Variants in COIL observed in about 807,000 individuals in gnomAD.
COIL encodes coilin p80.
COIL carries 28 observed loss-of-function variants against 51.6 expected under a neutral mutation model. That is an observed-to-expected ratio of 0.54 (90% CI 0.40 to 0.74). The LOEUF (loss-of-function observed/expected upper bound fraction) is 0.74. Ranked by LOEUF, COIL falls within the 30% of genes least tolerant of loss-of-function variation. The pLI is 0.00. For missense variants in COIL, 667 were observed against 685.9 expected (o/e 0.97, Z 0.31); for synonymous variants, 233 against 255.8 (o/e 0.91, Z 0.85).
At position 56,961,041 on chromosome 17, in the gene COIL, G is replaced by A. The variant is rs377352607; in HGVS notation, c.-22C>T. The A allele has an allele frequency of 6.2e-7, 1 of 1,608,660 alleles. No individual in the cohort carries two copies. Among genetic ancestry groups the A allele is most frequent in the African/African-American group, 1.3e-5 (1 of 74,450 alleles). ...CCATCTTGCTTGGTGCTCAACGGAA[G>A]CCGAGAGATACCACGGGGCCACCGA... On this transcript the variant is annotated 5_prime_UTR_variant, in exon 1 of 7. Transcript: ENST00000240316.
intron 1 of COIL, among the ~76,000 whole-genome samples, chr17:56,952,823 G>C (rs1455181436): frequency 6.6e-6 from 1 of 151,848 alleles, no homozygotes; most frequent in African/African-American, 2.4e-5. Flanking sequence ...GTGTCTTACT[G>C]GTTATGTTTC....
At chr17:56,956,618 G>A (rs151235096) in intron 1 of COIL, among the ~76,000 whole-genome samples, 154 of 151,936 alleles carry the variant, frequency 1.0e-3, no homozygotes, top group African/African-American at 3.5e-3. Context: ...TTGAGGTAGG[G>A]TCTCACTCTG....
rs750088606 is a variant in COIL, at chr17:56,942,013, G to T, written c.1647+22C>A. On this transcript the variant is annotated intron_variant, in intron 6 of 6. Transcript: ENST00000240316. ...AAGAGAGAACGAATGGCCAAGCAAC[G>T]CAAGAAGAGAAGCACACCTACCTTG... is the stretch of plus-strand genomic sequence containing the variant. 4 of 1,592,450 alleles carry T rather than the reference G, an allele frequency of 2.5e-6. No individual in the cohort carries two copies. The South Asian group carries it at 3.3e-5, about 13-fold the overall frequency.
At position 56,960,913 on chromosome 17, in the gene COIL, C is replaced by T. The variant is rs1429520576; in HGVS notation, c.107G>A (p.Arg36Gln). The part of the protein sequence containing the change: ...FWLLVDLNRC[R>Q]VVTDLISLIR... Reference sequence around the variant, plus strand: ...GAGACTAATGAGATCTGTGACGACTCGGCATCTGTTCAAGTCGACCAGAAG... The same window carrying T: ...GAGACTAATGAGATCTGTGACGACTTGGCATCTGTTCAAGTCGACCAGAAG... The change falls in exon 1 of 7, where the codon CGA (arginine) becomes CAA (glutamine). Residue 36 changes from arginine to glutamine, a missense_variant. Physicochemically the swap from Arg to Gln is conservative, Grantham distance 43. Transcript: ENST00000240316. 2 of 1,614,208 alleles carry T rather than the reference C, an allele frequency of 1.2e-6. No homozygotes were observed. Among genetic ancestry groups the T allele is most frequent in the Middle Eastern group, 1.6e-4 (1 of 6,062 alleles).
At chr17:56,943,514 C>G (rs943684354) in intron 5 of COIL, among the ~76,000 whole-genome samples, 12 of 152,144 alleles carry the variant, frequency 7.9e-5, no homozygotes, top group Non-Finnish European at 1.5e-4. Context: ...TTCGATTATA[C>G]GTGTTGTAAA....
At chr17:56,960,228 A>C (rs1358277627) in intron 1 of COIL, among the ~76,000 whole-genome samples, 2 of 149,458 alleles carry the variant, frequency 1.3e-5, no homozygotes, top group Non-Finnish European at 3.0e-5. Flanking sequence ...AGTCTCAAAA[A>C]TAAAAATAAT....
intron 6 of COIL, 102 bp from the exon 7 acceptor site, chr17:56,939,256 A>C: frequency 1.4e-6 from 1 of 694,698 alleles, no homozygotes. Flanking sequence ...TGATTGAAGA[A>C]CGGGAATAAT....
intron 5 of COIL, among the ~76,000 whole-genome samples, chr17:56,942,598 C>T (rs966977587): frequency 1.3e-5 from 2 of 152,108 alleles, no homozygotes; most frequent in African/African-American, 4.8e-5. Context: ...TCACTACAAC[C>T]TCTACCTCCT....
intron 1 of COIL, among the ~76,000 whole-genome samples, chr17:56,957,203 C>T (rs747555361): frequency 2.6e-5 from 4 of 151,760 alleles, no homozygotes; most frequent in Non-Finnish European, 4.4e-5. Context: ...GCCAAGGTTG[C>T]GCCACTGCAC....
At chr17:56,959,046 A>C (rs1296449585) in intron 1 of COIL, among the ~76,000 whole-genome samples, 1 of 150,490 alleles carries the variant, frequency 6.6e-6, no homozygotes, top group Non-Finnish European at 1.5e-5. Context: ...TGAAGCTTAA[A>C]GGGGGTGGGG....
At chr17:56,942,729 T>G (rs1910171486) in intron 5 of COIL, among the ~76,000 whole-genome samples, 1 of 152,136 alleles carries the variant, frequency 6.6e-6, no homozygotes, top group South Asian at 2.1e-4. Flanking sequence ...TTGGCCAGGT[T>G]GGTCTCAAAC....
rs1156959893 is a variant in COIL, at chr17:56,950,743, T to C, written c.499A>G (p.Lys167Glu). ...TVSKKNKRKN[K>E]ATCGTVGDDN... ...TCACCCACTGTGCCACAGGTTGCTT[T>C]ATTTTTTCTCTTGTTTTTTTTGCTG... Residue 167 changes from lysine to glutamate, a missense_variant, in exon 2 of 7, where the codon AAA (lysine) becomes GAA (glutamate). Physicochemically the swap from Lys to Glu is moderately conservative, Grantham distance 56. Transcript: ENST00000240316. 6.2e-7 allele frequency: 1 copy of C among 1,614,098 alleles called. No individual in the cohort carries two copies. The highest frequency in any genetic ancestry group is 1.7e-5 in the Admixed American group (1 of 60,010).
At chr17:56,949,637 G>A (rs773582998) in intron 3 of COIL, 44 bp downstream of exon 3, 1 of 1,537,092 alleles carries the variant, frequency 6.5e-7, no homozygotes, top group South Asian at 1.1e-5. Flanking sequence ...TTATTTGGAA[G>A]GGGAATGAAC....
intron 1 of COIL, among the ~76,000 whole-genome samples, chr17:56,960,148 C>A (rs1452010184): frequency 2.0e-5 from 3 of 151,694 alleles, no homozygotes; most frequent in South Asian, 2.1e-4. Context: ...CGATTGAACC[C>A]GGGAGGTGGA....
rs1399458882 is a variant in COIL, at chr17:56,938,875, A to C, written c.*196T>G. ...TTTGTTAACTGAAATTAAACCTGACAAAAAAACCAAAGATCTACAAAACCG... is the reference window on the plus strand; with the variant it reads ...TTTGTTAACTGAAATTAAACCTGACCAAAAAACCAAAGATCTACAAAACCG... On this transcript the variant is annotated 3_prime_UTR_variant, in exon 7 of 7. Coordinates refer to ENST00000240316, the MANE Select transcript of COIL (RefSeq NM_004645.3). 9.1e-6 allele frequency: 4 copies of C among 441,492 alleles called. No homozygotes were observed. Among genetic ancestry groups the C allele is most frequent in the Non-Finnish European group, 1.6e-5 (4 of 250,924 alleles). The allele number at this position is 441,492 out of a possible 1,614,324, so 27.3% of individuals were successfully genotyped here.
At chr17:56,943,943 G>A (rs1361715874) in intron 5 of COIL, among the ~76,000 whole-genome samples, 1 of 152,044 alleles carries the variant, frequency 6.6e-6, no homozygotes, top group Non-Finnish European at 1.5e-5. Flanking sequence ...ATGACTCACT[G>A]CAGCCTCGAC....
At chr17:56,949,140 T>A (rs542472884) in intron 4 of COIL, among the ~76,000 whole-genome samples, 128 of 152,198 alleles carry the variant, frequency 8.4e-4, no homozygotes, top group African/African-American at 2.9e-3. Flanking sequence ...ATATTTTTTT[T>A]AAAAAAGTAA....
intron 1 of COIL, 36 bp downstream of exon 1, chr17:56,960,739 C>A: frequency 6.8e-7 from 1 of 1,474,862 alleles, no homozygotes; most frequent in Non-Finnish European, 9.0e-7. Context: ...CCCCGCCCGC[C>A]GCCCACCCGG....
chr17:56,952,440 T>A, intron 1 of COIL: 1 of 344,712 alleles, frequency 2.9e-6, no homozygotes, highest in Non-Finnish European at 5.6e-6. Context: ...ATTGCCTCAG[T>A]GGAAAAAAAA....
Sources: gnomAD v4.1 joint callset for allele counts (sites outside exome capture counted in the v4.1 genomes callset) on GRCh38, gnomAD v4.1.1 for gene constraint, MANE v1.5 for transcripts, NCBI Gene and HGNC (gene_info 2026-07-23, HGNC 2026-07-21) for gene names.